ARID4B: variants seen among roughly 807,000 people sequenced by gnomAD.
ARID4B encodes the protein AT-rich interactive domain-containing protein 4B.
In ARID4B, 26 loss-of-function variants were observed where a neutral mutation model predicts 147.5. That is an observed-to-expected ratio of 0.18 (90% CI 0.13 to 0.24). The LOEUF (loss-of-function observed/expected upper bound fraction) is 0.24. Ranked by LOEUF, ARID4B falls within the 10% of genes least tolerant of loss-of-function variation. The probability of loss-of-function intolerance (pLI) is 1.00; values close to 1 mark genes in which losing one functional copy is unlikely to be tolerated. For synonymous variants in ARID4B, 512 were observed against 507.9 expected (o/e 1.01, Z -0.11); for missense variants, 1,179 against 1,511.5 (o/e 0.78, Z 3.65).
chr1:235,317,073 T>C lies in ARID4B; in HGVS notation c.6+9841A>G, dbSNP rs557455927. 9.8e-5 allele frequency among the ~76,000 whole-genome samples: 15 copies of C among 152,314 alleles called. No homozygotes were observed. In the South Asian group the frequency reaches 1.2e-3, roughly 13 times the overall value. On this transcript the variant is annotated intron_variant, in intron 2 of 23. Transcript: ENST00000264183. ...TCAGGTAAGTGATACTCAACCTGAT[T>C]AAGCATTTCACCTAAATGTTAACAT...
At chr1:235,286,948 T>C (rs1312733779) in intron 2 of ARID4B, among the ~76,000 whole-genome samples, 3 of 152,164 alleles carry the variant, frequency 2.0e-5, no homozygotes, top group Non-Finnish European at 2.9e-5. Flanking sequence ...AGTGACTAAC[T>C]GAATAAAGGG....
chr1:235,236,342 C>G (rs973065350), intron 8 of ARID4B, among the ~76,000 whole-genome samples: 1 of 152,042 alleles, frequency 6.6e-6, no homozygotes, highest in Non-Finnish European at 1.5e-5. Context: ...AAACAGATTA[C>G]TAACCTTTCA....
chr1:235,316,135 T>G (rs1226617313), intron 2 of ARID4B, among the ~76,000 whole-genome samples: 2 of 152,188 alleles, frequency 1.3e-5, no homozygotes, highest in African/African-American at 4.8e-5. Flanking sequence ...CAAAGGCTAG[T>G]TATAAATTTA....
intron 21 of ARID4B, among the ~76,000 whole-genome samples, chr1:235,175,964 G>T (rs74692293): frequency 0.012 from 1,831 of 152,188 alleles, 22 homozygotes; most frequent in African/African-American, 0.03. Flanking sequence ...AGTATTTTAT[G>T]AACAATTCAG....
At chr1:235,280,260 CT>C (rs1397912570) in intron 2 of ARID4B, among the ~76,000 whole-genome samples, 1 of 152,064 alleles carries the variant, frequency 6.6e-6, no homozygotes. Flanking sequence ...TTGTCTTATT[CT>C]TTTTAACATA....
At chr1:235,299,453 A>T (rs2103240347) in intron 2 of ARID4B, among the ~76,000 whole-genome samples, 1 of 152,308 alleles carries the variant, frequency 6.6e-6, no homozygotes, top group Admixed American at 6.5e-5. Context: ...TGCCTCCCAT[A>T]GTACTCAGAT....
At chr1:235,191,121 C>G (rs1241191914) in intron 19 of ARID4B, among the ~76,000 whole-genome samples, 2 of 152,162 alleles carry the variant, frequency 1.3e-5, no homozygotes, top group African/African-American at 4.8e-5. Flanking sequence ...CAGAAACATT[C>G]TGACCTACTT....
At chr1:235,205,467 T>C (rs1158683645) in intron 17 of ARID4B, among the ~76,000 whole-genome samples, 1 of 152,200 alleles carries the variant, frequency 6.6e-6, no homozygotes, top group Non-Finnish European at 1.5e-5. Context: ...TATACAAATA[T>C]GAACTCAGAT....
chr1:235,225,119 G>C (rs1045781544), intron 11 of ARID4B, among the ~76,000 whole-genome samples: 1 of 152,082 alleles, frequency 6.6e-6, no homozygotes, highest in Non-Finnish European at 1.5e-5. Flanking sequence ...CAGGATCACA[G>C]GTTCAAGAAT....
At chr1:235,241,427 G>A (rs1019544323) in intron 7 of ARID4B, among the ~76,000 whole-genome samples, 2 of 152,154 alleles carry the variant, frequency 1.3e-5, no homozygotes, top group Admixed American at 6.5e-5. Flanking sequence ...AGTATACTCT[G>A]AAGTTGTCTT....
chr1:235,173,457 TTC>T (rs1347413455), intron 22 of ARID4B, among the ~76,000 whole-genome samples: 3 of 152,086 alleles, frequency 2.0e-5, no homozygotes, highest in Non-Finnish European at 4.4e-5. Flanking sequence ...TTCTCTTCTG[TTC>T]TCTGTTATTT....
chr1:235,284,366 A>G (rs949749237), intron 2 of ARID4B, among the ~76,000 whole-genome samples: 2 of 152,042 alleles, frequency 1.3e-5, no homozygotes, highest in Non-Finnish European at 2.9e-5. Context: ...TCTCTGGGGG[A>G]AAAAAAATTC....
intron 20 of ARID4B, among the ~76,000 whole-genome samples, chr1:235,178,769 G>C (rs1331718070): frequency 6.6e-6 from 1 of 151,776 alleles, no homozygotes; most frequent in Non-Finnish European, 1.5e-5. Flanking sequence ...TCCAATGTCA[G>C]ACACCAAATC....
intron 19 of ARID4B, among the ~76,000 whole-genome samples, chr1:235,183,947 T>G (rs1418516878): frequency 2.0e-5 from 3 of 151,868 alleles, no homozygotes; most frequent in African/African-American, 7.3e-5. Flanking sequence ...TCCAGTGAAT[T>G]TTTGTATTTT....
In ARID4B at chr1:235,222,085, T is replaced by C. The variant is rs186656566; in HGVS notation, c.1066-423A>G. ...CCACCACACCTGGCTAATTAAAAAA[T>C]TTTTTTTGTGGAGATGGAGTCTCAC... is the stretch of plus-strand genomic sequence containing the variant. On this transcript the variant is annotated intron_variant, in intron 13 of 23. Coordinates refer to ENST00000264183, the MANE Select transcript of ARID4B (RefSeq NM_016374.6). Among the ~76,000 whole-genome samples the C allele has an allele frequency of 3.8e-3, 575 of 151,740 alleles. 1 individual carries two copies. The highest frequency in any genetic ancestry group is 6.7e-3 in the Non-Finnish European group (458 of 67,906).
chr1:235,194,959 T>G (rs978037954), intron 18 of ARID4B, among the ~76,000 whole-genome samples: 1 of 152,212 alleles, frequency 6.6e-6, no homozygotes, highest in Non-Finnish European at 1.5e-5. Context: ...GATATATTAA[T>G]GTTTTGAGAA....
At chr1:235,173,742 TAAAAAAAAAAAAAAAAAAAAA>T (rs755815257) in intron 22 of ARID4B, among the ~76,000 whole-genome samples, 2 of 26,262 alleles carry the variant, frequency 7.6e-5, no homozygotes, top group Non-Finnish European at 1.3e-4. Flanking sequence ...CGTCTCTATT[TAAAAAAAAAAAAAAAAAAAAA>T]AAAAAAAAAT....
At chr1:235,283,316 C>A (rs1054021862) in intron 2 of ARID4B, among the ~76,000 whole-genome samples, 3 of 152,066 alleles carry the variant, frequency 2.0e-5, no homozygotes, top group African/African-American at 7.2e-5. Context: ...CAACTTAACA[C>A]CCTCTTAAAA....
At chr1:235,255,281 C>CTATA (rs1404201536) in intron 5 of ARID4B, among the ~76,000 whole-genome samples, 1 of 145,088 alleles carries the variant, frequency 6.9e-6, no homozygotes, top group Admixed American at 6.8e-5. Context: ...CTCTCTCTCT[C>CTATA]TCTCTCTATA....
Sources: allele counts gnomAD v4.1 joint callset (sites outside exome capture counted in the v4.1 genomes callset), GRCh38; gene constraint gnomAD v4.1.1; transcripts MANE v1.5; gene names NCBI Gene and HGNC (gene_info 2026-07-23, HGNC 2026-07-21).